SFRP1: variants seen among roughly 807,000 people sequenced by gnomAD.
SFRP1 encodes secreted frizzled related protein 1, also known as secreted frizzled-related protein 1.
In SFRP1, 9 loss-of-function variants were observed where a neutral mutation model predicts 25.9. The observed-to-expected ratio is 0.35, with a 90% CI of 0.21 to 0.61. The LOEUF is 0.61. Among genes scored for constraint, SFRP1 ranks in the 20% least tolerant of loss-of-function variants. The probability of loss-of-function intolerance (pLI) is 0.78; values close to 1 mark genes in which losing one functional copy is unlikely to be tolerated. For missense variants in SFRP1, 346 were observed against 418.2 expected (o/e 0.83, Z 1.51); for synonymous variants, 178 against 174.0 (o/e 1.02, Z -0.18).
At chr8:41,274,496 A>G (rs12547288) in intron 2 of SFRP1, among the ~76,000 whole-genome samples, 22,862 of 152,248 alleles carry the variant, frequency 0.15, 2,875 homozygotes, top group East Asian at 0.38. Flanking sequence ...AACACTGAAT[A>G]TTAACCAAAA....
At chr8:41,299,894 G>C (rs535433594) in intron 2 of SFRP1, among the ~76,000 whole-genome samples, 1 of 152,106 alleles carries the variant, frequency 6.6e-6, no homozygotes, top group African/African-American at 2.4e-5. Context: ...AGTACAAACT[G>C]AACAGTGTGT....
intron 2 of SFRP1, among the ~76,000 whole-genome samples, chr8:41,273,731 G>C (rs1021228686): frequency 6.6e-6 from 1 of 152,124 alleles, no homozygotes; most frequent in Non-Finnish European, 1.5e-5. Context: ...CTGTGTGGCA[G>C]GCTGTGATGG....
intron 1 of SFRP1, among the ~76,000 whole-genome samples, chr8:41,304,576 G>A (rs977571698): frequency 9.9e-5 from 15 of 152,204 alleles, no homozygotes; most frequent in Admixed American, 2.6e-4. Context: ...CCCTGCACTC[G>A]GGGAGTGCAG....
chr8:41,281,456 G>C (rs987144504), intron 2 of SFRP1, among the ~76,000 whole-genome samples: 13 of 152,242 alleles, frequency 8.5e-5, no homozygotes, highest in Non-Finnish European at 1.8e-4. Context: ...CATAGCTAGA[G>C]GCAAAGTCCC....
chr8:41,278,397 G>T (rs967326492), intron 2 of SFRP1, among the ~76,000 whole-genome samples: 4 of 152,256 alleles, frequency 2.6e-5, no homozygotes, highest in Admixed American at 2.0e-4. Context: ...GCATAAACTT[G>T]GGTAAAATCA....
chr8:41,287,685 C>T (rs151193037), intron 2 of SFRP1, among the ~76,000 whole-genome samples: 1 of 152,324 alleles, frequency 6.6e-6, no homozygotes, highest in Non-Finnish European at 1.5e-5. Flanking sequence ...ATTATAATAA[C>T]CTCTGAAGTT....
rs147932682 is a variant in SFRP1, at chr8:41,277,345, G to C, written c.623-11856C>G. The stretch of plus-strand genomic sequence containing the variant: ...CCAGGCAAACCTGCCAAGGCAAACA[G>C]CTTTTCCTACCATGGGGTCACTGGT... On this transcript the variant is annotated intron_variant, in intron 2 of 2. Transcript: ENST00000220772. Among the ~76,000 whole-genome samples the C allele has an allele frequency of 2.4e-3, 365 of 152,336 alleles. 1 individual carries two copies. The highest frequency in any genetic ancestry group is 4.5e-3 in the Non-Finnish European group (306 of 68,036).
chr8:41,288,674 T>C (rs1231923892), intron 2 of SFRP1, among the ~76,000 whole-genome samples: 3 of 151,096 alleles, frequency 2.0e-5, no homozygotes, highest in Non-Finnish European at 2.9e-5. Flanking sequence ...ATGAGAAAAC[T>C]GTGGTTCCAA....
intron 2 of SFRP1, among the ~76,000 whole-genome samples, chr8:41,265,918 C>A (rs1374435318): frequency 2.0e-5 from 3 of 152,164 alleles, no homozygotes; most frequent in Admixed American, 1.3e-4. Context: ...TTAATCCCAG[C>A]ACTTTGGGAG....
intron 2 of SFRP1, among the ~76,000 whole-genome samples, chr8:41,285,614 C>T (rs981639186): frequency 6.6e-6 from 1 of 152,178 alleles, no homozygotes; most frequent in African/African-American, 2.4e-5. Context: ...GGCCAGCCCA[C>T]CTGGCCTCAC....
chr8:41,287,540 G>C (rs1390403143), intron 2 of SFRP1, among the ~76,000 whole-genome samples: 1 of 152,198 alleles, frequency 6.6e-6, no homozygotes, highest in African/African-American at 2.4e-5. Context: ...CTTTAGGGGT[G>C]AGCCTGGCTC....
At chr8:41,289,993 C>T (rs1803756009) in intron 2 of SFRP1, among the ~76,000 whole-genome samples, 1 of 152,194 alleles carries the variant, frequency 6.6e-6, no homozygotes, top group Non-Finnish European at 1.5e-5. Flanking sequence ...AGGCAGCTGC[C>T]CAGCACAGCC....
At chr8:41,300,863 C>G (rs1433648466) in intron 2 of SFRP1, among the ~76,000 whole-genome samples, 2 of 152,190 alleles carry the variant, frequency 1.3e-5, no homozygotes, top group Non-Finnish European at 2.9e-5. Context: ...TCTTGGCTCC[C>G]ACATCTGGTG....
rs981759584 is a variant in SFRP1 at position 41,263,118 on chromosome 8, T to C, written c.*2049A>G. On this transcript the variant is annotated 3_prime_UTR_variant, in exon 3 of 3. Transcript: ENST00000220772. ...GCCGCAGAGAGAGGGCCCGGTTGCA[T>C]GAGGCACTTTGTCAAAATGAGCAGA... 6.6e-6 allele frequency: 1 copy of C among 152,568 alleles called. No homozygotes were observed. The highest frequency in any genetic ancestry group is 2.4e-5 in the African/African-American group (1 of 41,440). The allele number at this position is 152,568 out of a possible 1,614,324, so 9.5% of individuals were successfully genotyped here.
In SFRP1 at chr8:41,297,562, T is replaced by C. The variant is rs528565189; in HGVS notation, c.622+5899A>G. 2.0e-5 allele frequency among the ~76,000 whole-genome samples: 3 copies of C among 152,284 alleles called. No individual in the cohort carries two copies. The East Asian group carries it at 5.8e-4, about 29-fold the overall frequency. On this transcript the variant is annotated intron_variant, in intron 2 of 2. Transcript: ENST00000220772. ...AAGAAGACATAATAATTATTACAGATTGAACAGCCACCATATTCCAGGAAC... is the reference window on the plus strand; with the variant it reads ...AAGAAGACATAATAATTATTACAGACTGAACAGCCACCATATTCCAGGAAC...
rs910823034 is a variant in SFRP1 at position 41,264,239 on chromosome 8, G to T, written c.*928C>A. The T allele has an allele frequency of 1.6e-4, 24 of 152,222 alleles. 1 individual carries two copies. 9.4% of individuals were successfully genotyped at this position (152,222 alleles called of 1,614,324 possible). Reference sequence around the variant, plus strand: ...AAAATGTGAAAAGGAAAAAACATGAGATTAGAATCCTAAGCTCTTCACCCA... The same window carrying T: ...AAAATGTGAAAAGGAAAAAACATGATATTAGAATCCTAAGCTCTTCACCCA... On this transcript the variant is annotated 3_prime_UTR_variant, in exon 3 of 3. Coordinates refer to ENST00000220772, the MANE Select transcript of SFRP1 (RefSeq NM_003012.5).
Position 41,265,113 on chromosome 8 carries a change from C to A in SFRP1, c.*54G>T. 427 of 431,754 alleles carry A rather than the reference C, an allele frequency of 9.9e-4. No individual in the cohort carries two copies. The highest frequency in any genetic ancestry group is 3.0e-3 in the Middle Eastern group (4 of 1,330). The allele number at this position is 431,754 out of a possible 1,614,324, so 26.7% of individuals were successfully genotyped here. On this transcript the variant is annotated 3_prime_UTR_variant, in exon 3 of 3. Coordinates refer to ENST00000220772, the MANE Select transcript of SFRP1 (RefSeq NM_003012.5). Reference sequence around the variant, plus strand: ...ACCCACCGGGTTCCCGGGGCACTGTCCCCCCCGCTCCCACCCCACCCGAGG... The same window carrying A: ...ACCCACCGGGTTCCCGGGGCACTGTACCCCCCGCTCCCACCCCACCCGAGG...
rs143306454 is a variant in SFRP1 at position 41,280,615 on chromosome 8, C to T, written c.623-15126G>A. On this transcript the variant is annotated intron_variant, in intron 2 of 2. Coordinates refer to ENST00000220772, the MANE Select transcript of SFRP1 (RefSeq NM_003012.5). ...GAAGGGAGCAAGCGGCAATAAAAAC[C>T]CATACGACCCCAACTCTGCACGCCC... 5.4e-3 allele frequency among the ~76,000 whole-genome samples: 824 copies of T among 152,282 alleles called. 6 individuals are homozygous for T. Among genetic ancestry groups the T allele is most frequent in the African/African-American group, 0.018 (743 of 41,552 alleles).
At chr8:41,280,372 C>A (rs900736703) in intron 2 of SFRP1, among the ~76,000 whole-genome samples, 2 of 152,230 alleles carry the variant, frequency 1.3e-5, no homozygotes, top group Non-Finnish European at 2.9e-5. Context: ...GGAATCAGCA[C>A]CCGGTCCTAT....
Sources: gnomAD v4.1 joint callset for allele counts (sites outside exome capture counted in the v4.1 genomes callset) on GRCh38, gnomAD v4.1.1 for gene constraint, MANE v1.5 for transcripts, NCBI Gene and HGNC (gene_info 2026-07-23, HGNC 2026-07-21) for gene names.